The following SCG5 variants were observed in gnomAD, a reference collection of about 807,000 sequenced individuals.
The protein encoded by SCG5 is secretogranin V, also known as neuroendocrine protein 7B2.
SCG5 carries 18 observed loss-of-function variants against 25.7 expected under a neutral mutation model. The observed-to-expected ratio is 0.70, with a 90% CI of 0.48 to 1.04. SCG5 has a LOEUF of 1.04. SCG5 is among the 50% of genes least tolerant of loss of function. The pLI, the probability that SCG5 is intolerant of heterozygous loss-of-function variation, is 0.00. For missense variants in SCG5, 206 were observed against 259.8 expected (o/e 0.79, Z 1.42); for synonymous variants, 101 against 91.7 (o/e 1.10, Z -0.58).
rs147977490 is a variant in SCG5, at chr15:32,650,016, C to T, written c.226+6198C>T. Among the ~76,000 whole-genome samples, 865 of 152,346 alleles carry T rather than the reference C, an allele frequency of 5.7e-3. 5 individuals are homozygous for T. Among genetic ancestry groups the T allele is most frequent in the African/African-American group, 0.019 (806 of 41,574 alleles). ...TGCAATCAGTGGGTGCCATTAGTAACTGAATTGCAGGCCTTCCTCCTCTCA... is the reference window on the plus strand; with the variant it reads ...TGCAATCAGTGGGTGCCATTAGTAATTGAATTGCAGGCCTTCCTCCTCTCA... On this transcript the variant is annotated intron_variant, in intron 2 of 5. Transcript: ENST00000300175.
At chr15:32,666,469 A>G (rs2054319894) in intron 2 of SCG5, 1 of 152,210 alleles carries the variant, frequency 6.6e-6, no homozygotes, top group Admixed American at 6.5e-5. Flanking sequence ...CCCTTTGGCT[A>G]TTTCTCTGTT....
chr15:32,692,437 A>C, intron 5 of SCG5: 1 of 201,288 alleles, frequency 5.0e-6, no homozygotes, highest in Non-Finnish European at 8.9e-6. Flanking sequence ...CGTAAAACTC[A>C]ATGTCACATT....
intron 2 of SCG5, among the ~76,000 whole-genome samples, chr15:32,658,633 G>C (rs555039900): frequency 6.6e-6 from 1 of 152,288 alleles, no homozygotes; most frequent in Non-Finnish European, 1.5e-5. Flanking sequence ...CACCTGAGAA[G>C]CTCCAGCCTC....
chr15:32,671,986 G>A (rs536840638), intron 2 of SCG5, among the ~76,000 whole-genome samples: 3 of 152,354 alleles, frequency 2.0e-5, no homozygotes, highest in South Asian at 4.1e-4. Flanking sequence ...AGAGTCTGAG[G>A]GGAAACCAAA....
chr15:32,663,944 C>T (rs2140531424), intron 2 of SCG5, among the ~76,000 whole-genome samples: 1 of 152,294 alleles, frequency 6.6e-6, no homozygotes. Context: ...ATTTGAAGGC[C>T]ATCAAACCAA....
At chr15:32,661,600 A>G (rs2054219060) in intron 2 of SCG5, among the ~76,000 whole-genome samples, 1 of 152,168 alleles carries the variant, frequency 6.6e-6, no homozygotes, top group South Asian at 2.1e-4. Flanking sequence ...AGCCTGGGCA[A>G]CGAGCGAAAC....
At chr15:32,644,234 A>C (rs1418090724) in intron 2 of SCG5, among the ~76,000 whole-genome samples, 2 of 152,208 alleles carry the variant, frequency 1.3e-5, no homozygotes, top group East Asian at 1.9e-4. Flanking sequence ...AAATTGTGTC[A>C]TCAGATAGCT....
chr15:32,676,502 T>A (rs2054533010), intron 2 of SCG5, among the ~76,000 whole-genome samples: 1 of 152,246 alleles, frequency 6.6e-6, no homozygotes, highest in South Asian at 2.1e-4. Flanking sequence ...GAGCCTGCCC[T>A]ATAGCAAGCA....
chr15:32,643,626 G>A lies in SCG5; in HGVS notation c.34G>A (p.Gly12Ser), dbSNP rs371253301. The change falls in exon 2 of 6, where the codon GGC (glycine) becomes AGC (serine). Residue 12 changes from glycine to serine, a missense_variant. Coordinates refer to ENST00000300175, the MANE Select transcript of SCG5 (RefSeq NM_001144757.3). Reference protein sequence around the residue: ...VSRMVSTMLSGLLFWLASGWT... With the variant: ...VSRMVSTMLSSLLFWLASGWT... The stretch of plus-strand genomic sequence containing the variant: ...CAGGATGGTCTCTACCATGCTATCT[G>A]GCCTACTGTTTTGGCTGGCATCTGG... The A allele has an allele frequency of 1.9e-6, 3 of 1,613,932 alleles. No homozygotes were observed. The highest frequency in any genetic ancestry group is 2.5e-6 in the Non-Finnish European group (3 of 1,179,874).
At chr15:32,648,010 C>A (rs1455644062) in intron 2 of SCG5, among the ~76,000 whole-genome samples, 1 of 152,076 alleles carries the variant, frequency 6.6e-6, no homozygotes, top group Non-Finnish European at 1.5e-5. Context: ...TGTATTTCAG[C>A]CCACATTTCT....
At chr15:32,659,797 C>G (rs2054187106) in intron 2 of SCG5, among the ~76,000 whole-genome samples, 1 of 152,120 alleles carries the variant, frequency 6.6e-6, no homozygotes, top group African/African-American at 2.4e-5. Context: ...TGGGAAGAAT[C>G]CCTTTGCTGT....
At position 32,674,711 on chromosome 15, in the gene SCG5, T is replaced by A. The variant is rs374191575; in HGVS notation, c.227-5055T>A. Among the ~76,000 whole-genome samples the A allele has an allele frequency of 1.6e-4, 25 of 152,266 alleles. No homozygotes were observed. In the East Asian group the frequency reaches 2.5e-3, roughly 15 times the overall value. On this transcript the variant is annotated intron_variant, in intron 2 of 5. Coordinates refer to ENST00000300175, the MANE Select transcript of SCG5 (RefSeq NM_001144757.3). ...TGGCAAAACTTGGAGCTGAGGTTGA[T>A]CAGGTCTCCAAGGCCAGGGAGAGAC... is the stretch of plus-strand genomic sequence containing the variant.
At chr15:32,654,133 A>G (rs73371021) in intron 2 of SCG5, among the ~76,000 whole-genome samples, 8,909 of 152,242 alleles carry the variant, frequency 0.059, 545 homozygotes, top group East Asian at 0.17. Flanking sequence ...GATGAGACTT[A>G]TCTAGGGATA....
chr15:32,694,552 CAT>C (rs2140619586), intron 5 of SCG5, among the ~76,000 whole-genome samples: 1 of 152,330 alleles, frequency 6.6e-6, no homozygotes, highest in South Asian at 2.1e-4. Flanking sequence ...CCTCCTTTAA[CAT>C]ATTAGAATTT....
At chr15:32,644,873 T>C (rs1289591232) in intron 2 of SCG5, among the ~76,000 whole-genome samples, 1 of 152,256 alleles carries the variant, frequency 6.6e-6, no homozygotes, top group African/African-American at 2.4e-5. Context: ...CTAAAAATGC[T>C]ATCTGCCCTA....
intron 2 of SCG5, chr15:32,656,148 C>G (rs895063769): frequency 6.6e-6 from 1 of 152,244 alleles, no homozygotes; most frequent in Non-Finnish European, 1.5e-5. Flanking sequence ...GCCGACTCCT[C>G]TTTCCTTCAG....
chr15:32,662,063 T>G (rs1039669375), intron 2 of SCG5, among the ~76,000 whole-genome samples: 4 of 152,236 alleles, frequency 2.6e-5, no homozygotes, highest in Admixed American at 2.0e-4. Context: ...TATATCCTAT[T>G]ATATGTTTAT....
chr15:32,695,960 T>G (rs2054950615), intron 5 of SCG5, among the ~76,000 whole-genome samples: 1 of 152,178 alleles, frequency 6.6e-6, no homozygotes, highest in Non-Finnish European at 1.5e-5. Flanking sequence ...GCTCTATAGT[T>G]GTGTGAAAAA....
At chr15:32,679,404 G>A (rs1192749712) in intron 2 of SCG5, among the ~76,000 whole-genome samples, 1 of 152,002 alleles carries the variant, frequency 6.6e-6, no homozygotes. Flanking sequence ...GTTTCATTAT[G>A]TTGGCCAGGC....
Sources: allele counts gnomAD v4.1 joint callset (sites outside exome capture counted in the v4.1 genomes callset), GRCh38; gene constraint gnomAD v4.1.1; transcripts MANE v1.5; gene names NCBI Gene and HGNC (gene_info 2026-07-23, HGNC 2026-07-21).